The following DMD variants were observed in gnomAD, a reference collection of about 807,000 sequenced individuals.
DMD encodes the protein dystrophin, also known as mutant dystrophin.
Under a neutral mutation model 330.1 loss-of-function variants are expected in DMD, and 63 were observed. That is an observed-to-expected ratio of 0.19 (90% CI 0.16 to 0.24). The LOEUF is 0.24. Ranked by LOEUF, DMD falls within the 10% of genes least tolerant of loss-of-function variation. The probability of loss-of-function intolerance (pLI) is 1.00; values close to 1 mark genes in which losing one functional copy is unlikely to be tolerated. For synonymous variants in DMD, 1,223 were observed against 959.8 expected (o/e 1.27, Z -5.07); for missense variants, 3,344 against 2,684.1 (o/e 1.25, Z -5.43).
At chrX:32,082,667 C>A (rs943586142) in intron 44 of DMD, among the ~76,000 whole-genome samples, 3 of 112,021 alleles carry the variant, frequency 2.7e-5, no homozygotes, top group Non-Finnish European at 5.6e-5. Context: ...CATACATCTA[C>A]TTCTCAGTTT....
intron 76 of DMD, among the ~76,000 whole-genome samples, chrX:31,145,397 T>C (rs2036558150): frequency 8.9e-6 from 1 of 111,833 alleles, no homozygotes; most frequent in Non-Finnish European, 1.9e-5. Context: ...GAAGCACCTG[T>C]GTTATAGATT....
chrX:31,599,308 T>C (rs1340017045), intron 55 of DMD, among the ~76,000 whole-genome samples: 4 of 112,091 alleles, frequency 3.6e-5, no homozygotes, highest in Non-Finnish European at 5.6e-5. Context: ...CTCGAAGGCA[T>C]AATGTTCTCT....
chrX:32,607,360 T>A (rs1317601144), intron 12 of DMD, among the ~76,000 whole-genome samples: 6 of 110,507 alleles, frequency 5.4e-5, no homozygotes, highest in Non-Finnish European at 1.1e-4. Flanking sequence ...CACATTATAT[T>A]TCCATTATTA....
chrX:31,142,670 CAG>C (rs766167280), intron 76 of DMD, among the ~76,000 whole-genome samples: 31 of 112,241 alleles, frequency 2.8e-4, no homozygotes, highest in Non-Finnish European at 4.5e-4. Context: ...CTTCAAAAAA[CAG>C]TAATCTGGTG....
chrX:32,933,886 CAGG>C (rs1170254554), intron 2 of DMD, among the ~76,000 whole-genome samples: 2 of 111,624 alleles, frequency 1.8e-5, no homozygotes, highest in Non-Finnish European at 3.8e-5. Context: ...GGCAGTGAGT[CAGG>C]AGTAGGGTCT....
chrX:32,013,320 C>T (rs1324320641), intron 44 of DMD, among the ~76,000 whole-genome samples: 3 of 110,243 alleles, frequency 2.7e-5, no homozygotes, highest in Non-Finnish European at 5.7e-5. Flanking sequence ...CTCCTGACCT[C>T]GTGATCTGCC....
At chrX:32,778,533 CT>C (rs2074399287) in intron 7 of DMD, among the ~76,000 whole-genome samples, 1 of 111,931 alleles carries the variant, frequency 8.9e-6, no homozygotes, top group African/African-American at 3.3e-5. Context: ...TATCTTACAG[CT>C]GAGTAGGTTA....
intron 43 of DMD, among the ~76,000 whole-genome samples, chrX:32,233,099 G>A (rs2097174461): frequency 2.7e-5 from 3 of 111,930 alleles, no homozygotes; most frequent in Admixed American, 1.9e-4. Flanking sequence ...TGTTGAATTC[G>A]GAAGGTGTAA....
At chrX:31,341,874 CGCGTGCGT>C (rs1182119646) in intron 61 of DMD, among the ~76,000 whole-genome samples, 797 of 76,382 alleles carry the variant, frequency 0.01, 10 homozygotes, top group African/African-American at 0.041. Flanking sequence ...CTGGCGTGCG[CGCGTGCGT>C]GCGCGCGCGC....
intron 41 of DMD, among the ~76,000 whole-genome samples, chrX:32,326,578 T>C (rs773070547): frequency 7.0e-4 from 79 of 112,452 alleles, no homozygotes; most frequent in Admixed American, 3.8e-4. Flanking sequence ...TATGGCATTA[T>C]GTATTAAACA....
At chrX:33,034,311 G>A (rs7880676) in intron 1 of DMD, among the ~76,000 whole-genome samples, 6,542 of 111,217 alleles carry the variant, frequency 0.059, 466 homozygotes, top group African/African-American at 0.2. Context: ...CATTCCGAGC[G>A]CCTACTAAAC....
chrX:32,733,708 A>G (rs1227890253), intron 7 of DMD, among the ~76,000 whole-genome samples: 3 of 110,746 alleles, frequency 2.7e-5, no homozygotes, highest in African/African-American at 9.9e-5. Context: ...ATGTTCTTTG[A>G]AACCAATGAG....
In DMD at chrX:32,598,380, A is replaced by C. The variant is rs564624021; in HGVS notation, c.1483-2504T>G. Among the ~76,000 whole-genome samples the C allele has an allele frequency of 8.2e-4, 92 of 111,644 alleles. 1 individual carries two copies. The highest frequency in any genetic ancestry group is 4.6e-3 in the Middle Eastern group (1 of 217). On this transcript the variant is annotated intron_variant, in intron 12 of 78. Transcript: ENST00000357033. ...TGAGTCTGTGTTTTCTGAGTTATATAAGACAGGACTGGGAACATTTTGAAG... is the reference window on the plus strand; with the variant it reads ...TGAGTCTGTGTTTTCTGAGTTATATCAGACAGGACTGGGAACATTTTGAAG...
At position 32,456,945 on chromosome X, in the gene DMD, G is replaced by T. The variant is rs190018113; in HGVS notation, c.3433-2113C>A. On this transcript the variant is annotated intron_variant, in intron 25 of 78. Transcript: ENST00000357033. The stretch of plus-strand genomic sequence containing the variant: ...TATGCAGGTCTAGGATCATTAGAAA[G>T]GGTCCAGATTGTTAAAAAAAAAAAA... Among the ~76,000 whole-genome samples, 11 of 73,772 alleles carry T rather than the reference G, an allele frequency of 1.5e-4. No homozygotes were observed. In the East Asian group the frequency reaches 4.7e-3, roughly 31 times the overall value. The allele number at this position is 73,772 out of a possible 115,157, so 64.1% of individuals were successfully genotyped here.
intron 12 of DMD, among the ~76,000 whole-genome samples, chrX:32,601,135 T>A (rs809941): frequency 0.56 from 61,191 of 109,983 alleles, 14,097 homozygotes; most frequent in African/African-American, 0.9. Context: ...GCCTGAATGA[T>A]ATGATCTGGA....
chrX:32,535,996 G>A (rs889120371), intron 17 of DMD, among the ~76,000 whole-genome samples: 4 of 111,476 alleles, frequency 3.6e-5, no homozygotes, highest in Non-Finnish European at 7.5e-5. Context: ...GCCTGGCACT[G>A]TGGCTCATGC....
At chrX:32,853,657 AG>A (rs981713031) in intron 2 of DMD, among the ~76,000 whole-genome samples, 20 of 109,562 alleles carry the variant, frequency 1.8e-4, no homozygotes, top group African/African-American at 6.6e-4. Context: ...AAAGGAAGAC[AG>A]GATGGAAGAG....
intron 41 of DMD, among the ~76,000 whole-genome samples, chrX:32,321,923 G>A (rs1045082935): frequency 9.0e-6 from 1 of 111,305 alleles, no homozygotes; most frequent in Admixed American, 9.6e-5. Context: ...ACATTAAAAG[G>A]TTAACATTAG....
chrX:31,310,204 T>C (rs990767780), intron 62 of DMD, among the ~76,000 whole-genome samples: 41 of 36,238 alleles, frequency 1.1e-3, no homozygotes, highest in Non-Finnish European at 1.8e-3. Flanking sequence ...TCTCTCTCTC[T>C]CCATATATAT....
Sources: allele counts gnomAD v4.1 joint callset (sites outside exome capture counted in the v4.1 genomes callset), GRCh38; gene constraint gnomAD v4.1.1; transcripts MANE v1.5; gene names NCBI Gene and HGNC (gene_info 2026-07-23, HGNC 2026-07-21).